Variants in ERC1 observed in about 807,000 individuals in gnomAD.
ERC1 encodes ELKS/RAB6-interacting/CAST family member 1, also known as RAB6 interacting protein 2.
ERC1 carries 56 observed loss-of-function variants against 132.0 expected under a neutral mutation model. The ratio of observed to expected loss-of-function variants is 0.42; its 90% confidence interval spans 0.34 to 0.53. The LOEUF is 0.53. Ranked by LOEUF, ERC1 falls within the 20% of genes least tolerant of loss-of-function variation. The pLI is 0.03. For synonymous variants in ERC1, 478 were observed against 476.1 expected, an observed-to-expected ratio of 1.00 and a Z score of -0.05; for missense variants, 1,202 against 1,349.9, an observed-to-expected ratio of 0.89 and a Z score of 1.72.
intron 15 of ERC1, among the ~76,000 whole-genome samples, chr12:1,344,936 T>A (rs2084293813): frequency 6.6e-6 from 1 of 152,166 alleles, no homozygotes; most frequent in South Asian, 2.1e-4. Flanking sequence ...GTCACTTATA[T>A]GATTTACTTA....
At chr12:1,372,059 T>A in intron 16 of ERC1, 82 bp downstream of exon 16, 1 of 1,487,894 alleles carries the variant, frequency 6.7e-7, no homozygotes, top group Non-Finnish European at 9.0e-7. Flanking sequence ...GCTTGTACTT[T>A]AAGGTCTCAT....
intron 2 of ERC1, among the ~76,000 whole-genome samples, chr12:1,080,671 C>A (rs544218528): frequency 6.6e-6 from 1 of 152,064 alleles, no homozygotes; most frequent in East Asian, 1.9e-4. Context: ...CAGGGGGTTC[C>A]GCTTTTGCTT....
intron 14 of ERC1, among the ~76,000 whole-genome samples, chr12:1,273,914 T>A (rs1034454637): frequency 2.6e-5 from 4 of 152,248 alleles, no homozygotes; most frequent in East Asian, 1.9e-4. Flanking sequence ...GGTCATTTTT[T>A]AAATTTTTGT....
intron 15 of ERC1, among the ~76,000 whole-genome samples, chr12:1,355,300 G>T (rs1201886219): frequency 6.6e-6 from 1 of 151,928 alleles, no homozygotes; most frequent in African/African-American, 2.4e-5. Flanking sequence ...ATATTATTTG[G>T]GGTTACAAAA....
At chr12:1,457,089 G>T (rs1038081272) in intron 18 of ERC1, among the ~76,000 whole-genome samples, 23 of 152,156 alleles carry the variant, frequency 1.5e-4, no homozygotes, top group African/African-American at 5.6e-4. Flanking sequence ...AAATACCACT[G>T]TGTTCCAGTT....
intron 15 of ERC1, among the ~76,000 whole-genome samples, chr12:1,320,694 G>GT (rs1315030505): frequency 2.6e-5 from 4 of 151,934 alleles, no homozygotes. Flanking sequence ...AGTTGATAGT[G>GT]TTTTTTTGGT....
intron 15 of ERC1, among the ~76,000 whole-genome samples, chr12:1,325,296 G>A (rs77607919): frequency 1.8e-4 from 27 of 152,108 alleles, no homozygotes; most frequent in African/African-American, 6.5e-4. Flanking sequence ...GCTTAGTTTC[G>A]CTTGATGATA....
intron 13 of ERC1, among the ~76,000 whole-genome samples, chr12:1,259,520 CTTTTT>C (rs201786277): frequency 8.8e-6 from 1 of 113,908 alleles, no homozygotes; most frequent in Non-Finnish European, 1.8e-5. Flanking sequence ...TTCTTTCTTT[CTTTTT>C]TTTTTTTTTT....
chr12:1,473,443 C>T (rs2093906424), intron 18 of ERC1, among the ~76,000 whole-genome samples: 1 of 151,990 alleles, frequency 6.6e-6, no homozygotes, highest in South Asian at 2.1e-4. Context: ...CAAATTCATA[C>T]ATTGCCTGGC....
chr12:1,112,161 A>G (rs1194401268), intron 5 of ERC1, 54 bp from the exon 6 acceptor site: 2 of 1,234,830 alleles, frequency 1.6e-6, no homozygotes, highest in East Asian at 4.7e-5. Context: ...AAAGTAGACA[A>G]GAAGAAGACC....
chr12:1,297,514 C>T (rs1594839601), intron 15 of ERC1, among the ~76,000 whole-genome samples: 1 of 110,724 alleles, frequency 9.0e-6, no homozygotes, highest in Non-Finnish European at 1.8e-5. Flanking sequence ...CCAGCCTAGA[C>T]AACATGACGA....
intron 18 of ERC1, among the ~76,000 whole-genome samples, chr12:1,453,420 C>G (rs1053779234): frequency 2.0e-5 from 3 of 152,134 alleles, no homozygotes; most frequent in Non-Finnish European, 4.4e-5. Context: ...TGCCCTACCC[C>G]CAGAAGCACA....
intron 15 of ERC1, among the ~76,000 whole-genome samples, chr12:1,328,843 T>C (rs2082655985): frequency 8.3e-6 from 1 of 119,994 alleles, no homozygotes. Context: ...TAATTCAGTG[T>C]TAGACACGGT....
At chr12:1,080,735 C>G (rs575629097) in intron 2 of ERC1, among the ~76,000 whole-genome samples, 1 of 152,014 alleles carries the variant, frequency 6.6e-6, no homozygotes, top group African/African-American at 2.4e-5. Context: ...TGCCTCATAC[C>G]GTGATTCTGA....
intron 18 of ERC1, among the ~76,000 whole-genome samples, chr12:1,461,104 A>G (rs1350482965): frequency 6.6e-6 from 1 of 151,900 alleles, no homozygotes; most frequent in Non-Finnish European, 1.5e-5. Context: ...AAAAATTCAA[A>G]AGAATGTTGT....
intron 7 of ERC1, among the ~76,000 whole-genome samples, chr12:1,118,537 A>G (rs1946705474): frequency 1.3e-5 from 2 of 152,270 alleles, no homozygotes; most frequent in Non-Finnish European, 2.9e-5. Flanking sequence ...GCCACTGCGC[A>G]AATAGAACCA....
chr12:1,022,318 A>G (rs565553438), intron 1 of ERC1, among the ~76,000 whole-genome samples: 5 of 152,352 alleles, frequency 3.3e-5, no homozygotes, highest in South Asian at 2.1e-4. Context: ...TTGCATTACA[A>G]TTACTTCAGA....
At chr12:1,311,733 A>T (rs555022382) in intron 15 of ERC1, among the ~76,000 whole-genome samples, 2 of 152,176 alleles carry the variant, frequency 1.3e-5, no homozygotes, top group Non-Finnish European at 1.5e-5. Context: ...TGATTCCTCA[A>T]AAAGATGCAA....
At chr12:1,380,546 A>G (rs1327807931) in intron 16 of ERC1, 3 of 152,334 alleles carry the variant, frequency 2.0e-5, no homozygotes, top group African/African-American at 7.2e-5. Context: ...GCTAAGGCAA[A>G]GGGGACTCTT....
Sources: allele counts gnomAD v4.1 joint callset (sites outside exome capture counted in the v4.1 genomes callset), GRCh38; gene constraint gnomAD v4.1.1; transcripts MANE v1.5; gene names NCBI Gene and HGNC (gene_info 2026-07-23, HGNC 2026-07-21).